Variants in RIC3 observed in about 807,000 individuals in gnomAD.
RIC3 encodes RIC3 acetylcholine receptor chaperone, also known as protein RIC-3.
In RIC3, 28 loss-of-function variants were observed where a neutral mutation model predicts 27.3. That is an observed-to-expected ratio of 1.02 (90% CI 0.76 to 1.41). The LOEUF (loss-of-function observed/expected upper bound fraction) is 1.41, where lower values mean the gene tolerates loss of function less well. Ranked by LOEUF, RIC3 falls within the 40% of genes most tolerant of loss-of-function variation. The pLI, the probability that RIC3 is intolerant of heterozygous loss-of-function variation, is 0.00. For synonymous variants in RIC3, 184 were observed against 160.4 expected, an observed-to-expected ratio of 1.15 and a Z score of -1.11; for missense variants, 501 against 444.7, an observed-to-expected ratio of 1.13 and a Z score of -1.14.
At chr11:8,163,018 A>AACACACACACACACACACACACAC (rs59248468) in intron 1 of RIC3, among the ~76,000 whole-genome samples, 42 of 136,044 alleles carry the variant, frequency 3.1e-4, no homozygotes, top group Non-Finnish European at 3.8e-4. Context: ...GGATTATTTA[A>AACACACACACACACACACACACAC]ACACACACAC....
In RIC3 at chr11:8,169,024, C is replaced by T. The variant is rs200744923; in HGVS notation, c.-35G>A. ...CGGTGGTCGCAGGTGCAGACGCCAG[C>T]CGGAACCGGAACCGGAACCGGAGCA... On this transcript the variant is annotated 5_prime_UTR_variant, in exon 1 of 6. Transcript: ENST00000309737. 6,402 of 1,511,782 alleles carry T rather than the reference C, an allele frequency of 4.2e-3. 16 individuals are homozygous for T. The highest frequency in any genetic ancestry group is 5.1e-3 in the Non-Finnish European group (5,804 of 1,139,652). 93.6% of individuals were successfully genotyped at this position (1,511,782 alleles called of 1,614,324 possible).
Position 8,110,593 on chromosome 11 carries a change from CTTG to C in RIC3, c.*102_*104del. The C allele has an allele frequency of 9.9e-7, 1 of 1,013,936 alleles. No homozygotes were observed. The highest frequency in any genetic ancestry group is 1.3e-5 in the South Asian group (1 of 78,406). The allele number at this position is 1,013,936 out of a possible 1,614,324, so 62.8% of individuals were successfully genotyped here. ...TGATAGTGGCCTGATAGCTATGACA[CTTG>C]AACACAGTGAAGAAAGTGCAGGGCA... On this transcript the variant is annotated 3_prime_UTR_variant, in exon 6 of 6. Transcript: ENST00000309737.
At chr11:8,132,770 G>A (rs2133773005) in intron 4 of RIC3, among the ~76,000 whole-genome samples, 1 of 152,252 alleles carries the variant, frequency 6.6e-6, no homozygotes, top group South Asian at 2.1e-4. Flanking sequence ...GTAAATGAAT[G>A]TATCTTTTGC....
At chr11:8,098,831 T>C in the RIC3 span, 3 of 1,614,102 alleles carry the variant, frequency 1.9e-6, no homozygotes, top group Non-Finnish European at 8.5e-7. Context: ...ATCCTCCACT[T>C]TGGAAAGTGG....
intron 1 of RIC3, among the ~76,000 whole-genome samples, chr11:8,145,548 T>C (rs377634003): frequency 6.6e-6 from 1 of 152,172 alleles, no homozygotes; most frequent in East Asian, 1.9e-4. Flanking sequence ...TCCAATCAGC[T>C]ATAGCTGAAC....
chr11:8,149,740 A>G (rs1213377869), intron 1 of RIC3, among the ~76,000 whole-genome samples: 1 of 152,222 alleles, frequency 6.6e-6, no homozygotes, highest in Non-Finnish European at 1.5e-5. Context: ...ATTCTTGGCT[A>G]TGACGGGATG....
At chr11:8,124,510 G>C (rs67807225) in intron 5 of RIC3, among the ~76,000 whole-genome samples, 10,335 of 152,122 alleles carry the variant, frequency 0.068, 408 homozygotes, top group South Asian at 0.11. Context: ...ATCCCATCAG[G>C]CTTTTTCATA....
chr11:8,131,837 G>A (rs1947764143), intron 4 of RIC3, among the ~76,000 whole-genome samples: 1 of 144,340 alleles, frequency 6.9e-6, no homozygotes, highest in Non-Finnish European at 1.5e-5. Context: ...GGAGGTGGAG[G>A]TTGCAGTGAC....
intron 4 of RIC3, 173 bp from the exon 5 acceptor site, chr11:8,126,980 T>C: frequency 1.4e-6 from 1 of 737,332 alleles, no homozygotes; most frequent in Non-Finnish European, 2.2e-6. Context: ...GTTAGTTCAA[T>C]GCTTTGATTT....
downstream of RIC3, chr11:8,102,814 C>T (rs1454352463): frequency 6.6e-6 from 1 of 152,212 alleles, no homozygotes. Flanking sequence ...GGGGCTTGCC[C>T]TGGGTCACCT....
At chr11:8,100,692 T>TG in the RIC3 span, 46 of 1,482,718 alleles carry the variant, frequency 3.1e-5, no homozygotes, top group African/African-American at 5.9e-4. Flanking sequence ...TGTGTGTATG[T>TG]GGAGGGGTAC....
the RIC3 span, chr11:8,097,250 C>T: frequency 6.2e-7 from 1 of 1,614,130 alleles, no homozygotes; most frequent in Non-Finnish European, 8.5e-7. Context: ...GCCCCTAGCC[C>T]AACAGCTCCA....
rs955070771 is a variant in RIC3 at position 8,106,936 on chromosome 11, A to G, written c.*3762T>C. The G allele has an allele frequency of 2.0e-5, 3 of 152,206 alleles. No homozygotes were observed. The highest frequency in any genetic ancestry group is 7.2e-5 in the African/African-American group (3 of 41,422). 9.4% of individuals were successfully genotyped at this position (152,206 alleles called of 1,614,324 possible). On this transcript the variant is annotated 3_prime_UTR_variant, in exon 6 of 6. Transcript: ENST00000309737. ...GGTGACAGGGATCATGCTGTCACCA[A>G]GCACCTACCACATGCTTTGCCCTGG...
intron 1 of RIC3, among the ~76,000 whole-genome samples, chr11:8,143,856 G>C (rs531586348): frequency 6.6e-6 from 1 of 152,246 alleles, no homozygotes; most frequent in African/African-American, 2.4e-5. Context: ...ACAGAACAGA[G>C]CCCTCAGAAA....
At chr11:8,152,768 A>C (rs903009882) in intron 1 of RIC3, among the ~76,000 whole-genome samples, 6 of 151,862 alleles carry the variant, frequency 4.0e-5, no homozygotes, top group Non-Finnish European at 7.4e-5. Context: ...TTTTTTTTTA[A>C]AGACAGCTAG....
At chr11:8,136,000 T>C (rs1948357306) in intron 4 of RIC3, among the ~76,000 whole-genome samples, 1 of 152,230 alleles carries the variant, frequency 6.6e-6, no homozygotes, top group Non-Finnish European at 1.5e-5. Flanking sequence ...ATTATTATTG[T>C]ACACTCACAC....
At chr11:8,100,743 C>A in the RIC3 span, 10 of 1,580,496 alleles carry the variant, frequency 6.3e-6, no homozygotes, top group Non-Finnish European at 8.6e-6. Flanking sequence ...ATCCAAGGAC[C>A]CCCATTCCCG....
intron 4 of RIC3, among the ~76,000 whole-genome samples, chr11:8,131,736 A>G (rs767347423): frequency 3.3e-5 from 5 of 151,874 alleles, no homozygotes; most frequent in Non-Finnish European, 5.9e-5. Flanking sequence ...CCTTGTCTCT[A>G]CTAAAAATAC....
intron 1 of RIC3, among the ~76,000 whole-genome samples, chr11:8,141,174 C>T (rs1182724357): frequency 6.6e-6 from 1 of 151,122 alleles, no homozygotes; most frequent in African/African-American, 2.4e-5. Context: ...CAAATTCACA[C>T]ATAACAATAC....
Sources: allele counts gnomAD v4.1 joint callset (sites outside exome capture counted in the v4.1 genomes callset), GRCh38; gene constraint gnomAD v4.1.1; transcripts MANE v1.5; gene names NCBI Gene and HGNC (gene_info 2026-07-23, HGNC 2026-07-21).